The following CD2 variants were observed in gnomAD, a reference collection of about 807,000 sequenced individuals.
CD2 encodes the protein CD2 molecule.
CD2 carries 18 observed loss-of-function variants against 23.2 expected under a neutral mutation model. The observed-to-expected ratio is 0.77, with a 90% CI of 0.54 to 1.15. CD2 has a LOEUF of 1.15. CD2 is among the 50% of genes most tolerant of loss of function. CD2 has a pLI of 0.00. For missense variants in CD2, 424 were observed against 423.1 expected, an observed-to-expected ratio of 1.00 and a Z score of -0.02; for synonymous variants, 162 against 151.9, an observed-to-expected ratio of 1.07 and a Z score of -0.49.
At chr1:116,768,331 G>A (rs1028856945) in intron 4 of CD2, 133 bp from the exon 5 acceptor site, 3 of 770,376 alleles carry the variant, frequency 3.9e-6, no homozygotes, top group Non-Finnish European at 6.3e-6. Context: ...TTCTCAGATA[G>A]TAGGGGCAAC....
At chr1:116,760,188 G>C (rs1412805682) in intron 2 of CD2, among the ~76,000 whole-genome samples, 8 of 152,140 alleles carry the variant, frequency 5.3e-5, no homozygotes, top group Admixed American at 3.3e-4. Flanking sequence ...ACACTATTTA[G>C]TGGCATAATG....
At chr1:116,760,758 T>C in intron 3 of CD2, 126 bp downstream of exon 3, 1 of 705,964 alleles carries the variant, frequency 1.4e-6, no homozygotes, top group South Asian at 1.7e-5. Flanking sequence ...CATGAAAGCA[T>C]ATCTCTTCCT....
At chr1:116,762,960 G>A (rs184003180) in intron 3 of CD2, among the ~76,000 whole-genome samples, 60 of 152,312 alleles carry the variant, frequency 3.9e-4, no homozygotes, top group African/African-American at 1.4e-3. Context: ...GTGGCTGCAT[G>A]ACTTAGCCAT....
At chr1:116,758,944 G>T (rs535908143) in intron 2 of CD2, among the ~76,000 whole-genome samples, 1 of 152,288 alleles carries the variant, frequency 6.6e-6, no homozygotes, top group South Asian at 2.1e-4. Flanking sequence ...CAAGGATGAT[G>T]ACCTTTTCTT....
At chr1:116,755,355 G>A (rs1557914864) in intron 2 of CD2, among the ~76,000 whole-genome samples, 1 of 152,248 alleles carries the variant, frequency 6.6e-6, no homozygotes, top group Non-Finnish European at 1.5e-5. Flanking sequence ...TTCATCGACA[G>A]AGCCCATTTC....
At chr1:116,764,663 C>CTGTT in intron 4 of CD2, 57 bp downstream of exon 4, 16 of 1,277,634 alleles carry the variant, frequency 1.3e-5, no homozygotes, top group Middle Eastern at 2.0e-4. Context: ...CATGAAACAG[C>CTGTT]TCATGGGGAT....
intron 3 of CD2, among the ~76,000 whole-genome samples, chr1:116,761,871 C>T (rs762056603): frequency 3.3e-5 from 5 of 152,186 alleles, no homozygotes; most frequent in Non-Finnish European, 5.9e-5. Flanking sequence ...TGCTCTGTTG[C>T]CAAGGCTGGA....
rs1652299645 is a variant in CD2, at chr1:116,768,722, G to A, written c.995G>A (p.Arg332Gln). The A allele has an allele frequency of 3.7e-6, 6 of 1,614,038 alleles. No individual in the cohort carries two copies. The highest frequency in any genetic ancestry group is 2.2e-5 in the East Asian group (1 of 44,870). ...AAAGGCCCGCCCCTCCCCAGACCTCGAGTTCAGCCAAAACCTCCCCATGGG... is the reference window on the plus strand; with the variant it reads ...AAAGGCCCGCCCCTCCCCAGACCTCAAGTTCAGCCAAAACCTCCCCATGGG... ...QQKGPPLPRP[R>Q]VQPKPPHGAA... The change falls in exon 5 of 5, where the codon CGA (arginine) becomes CAA (glutamine). Residue 332 changes from arginine to glutamine, a missense_variant. By Grantham distance (43) the Arg-to-Gln change is conservative. Transcript: ENST00000369478.
At chr1:116,767,513 C>T (rs150940945) in intron 4 of CD2, among the ~76,000 whole-genome samples, 3,457 of 151,674 alleles carry the variant, frequency 0.023, 132 homozygotes, top group African/African-American at 0.079. Flanking sequence ...ATTGTTTGAA[C>T]CTGGGAGGCA....
At chr1:116,766,823 C>G (rs1337973553) in intron 4 of CD2, among the ~76,000 whole-genome samples, 2 of 152,004 alleles carry the variant, frequency 1.3e-5, no homozygotes, top group African/African-American at 4.8e-5. Context: ...CGATCACACA[C>G]TGCACTCCAG....
intron 2 of CD2, 73 bp from the exon 3 acceptor site, chr1:116,760,329 A>G: frequency 1.7e-6 from 2 of 1,158,196 alleles, no homozygotes; most frequent in Non-Finnish European, 2.5e-6. Flanking sequence ...TCCATCCCCC[A>G]CTGTATAAAT....
At chr1:116,765,527 G>T (rs985640762) in intron 4 of CD2, among the ~76,000 whole-genome samples, 7 of 152,132 alleles carry the variant, frequency 4.6e-5, no homozygotes, top group Non-Finnish European at 8.8e-5. Context: ...TCCCCATCAG[G>T]CTGCGGTCCC....
intron 2 of CD2, among the ~76,000 whole-genome samples, chr1:116,755,699 G>A (rs1264602681): frequency 1.3e-5 from 2 of 152,090 alleles, no homozygotes; most frequent in African/African-American, 4.8e-5. Flanking sequence ...GGATTCTAAT[G>A]AGCTGCCAAA....
At chr1:116,767,222 C>T (rs553514709) in intron 4 of CD2, among the ~76,000 whole-genome samples, 1 of 152,168 alleles carries the variant, frequency 6.6e-6, no homozygotes, top group Non-Finnish European at 1.5e-5. Context: ...TGGTTTGAAT[C>T]AACATCCGGA....
intron 4 of CD2, among the ~76,000 whole-genome samples, chr1:116,767,571 A>G (rs1465163995): frequency 6.6e-6 from 1 of 151,340 alleles, no homozygotes; most frequent in Non-Finnish European, 1.5e-5. Flanking sequence ...AGCCTGGGCA[A>G]CAAGAGTGAA....
chr1:116,765,958 A>T (rs1158847009), intron 4 of CD2, among the ~76,000 whole-genome samples: 1 of 152,270 alleles, frequency 6.6e-6, no homozygotes, highest in East Asian at 1.9e-4. Flanking sequence ...GAGGAAGCTT[A>T]AGTTCAGTGA....
chr1:116,762,973 G>A (rs1652102423), intron 3 of CD2, among the ~76,000 whole-genome samples: 1 of 152,194 alleles, frequency 6.6e-6, no homozygotes, highest in Admixed American at 6.5e-5. Flanking sequence ...TTAGCCATGT[G>A]CTCCCCAAAG....
At chr1:116,767,858 G>C (rs191802873) in intron 4 of CD2, among the ~76,000 whole-genome samples, 1 of 152,272 alleles carries the variant, frequency 6.6e-6, no homozygotes, top group African/African-American at 2.4e-5. Flanking sequence ...GTCACACAAA[G>C]AAGAAAATCC....
At chr1:116,755,411 G>A (rs1415765794) in intron 2 of CD2, among the ~76,000 whole-genome samples, 1 of 152,160 alleles carries the variant, frequency 6.6e-6, no homozygotes, top group Non-Finnish European at 1.5e-5. Flanking sequence ...GAAAAGGGCT[G>A]GAAACAACAT....
Sources: gnomAD v4.1 joint callset for allele counts (sites outside exome capture counted in the v4.1 genomes callset) on GRCh38, gnomAD v4.1.1 for gene constraint, MANE v1.5 for transcripts, NCBI Gene and HGNC (gene_info 2026-07-23, HGNC 2026-07-21) for gene names.